NBEA: variants seen among roughly 807,000 people sequenced by gnomAD.
The protein encoded by NBEA is neurobeachin.
Under a neutral mutation model 343.4 loss-of-function variants are expected in NBEA, and 44 were observed. The observed-to-expected ratio is 0.13, with a 90% CI of 0.10 to 0.16. The LOEUF (loss-of-function observed/expected upper bound fraction) is 0.16, where lower values mean the gene tolerates loss of function less well. Among genes scored for constraint, NBEA ranks in the 10% least tolerant of loss-of-function variants. The pLI is 1.00. For missense variants in NBEA, 2,555 were observed against 3,631.3 expected (o/e 0.70, Z 7.62); for synonymous variants, 1,175 against 1,238.7 (o/e 0.95, Z 1.08).
intron 38 of NBEA, among the ~76,000 whole-genome samples, chr13:35,422,767 G>A (rs1174301525): frequency 3.3e-5 from 5 of 152,036 alleles, no homozygotes; most frequent in Admixed American, 6.6e-5. Flanking sequence ...TCCCACCAAC[G>A]TGTAAAAGTG....
At chr13:35,184,555 C>G (rs1211450218) in intron 30 of NBEA, among the ~76,000 whole-genome samples, 2 of 151,754 alleles carry the variant, frequency 1.3e-5, no homozygotes, top group African/African-American at 4.8e-5. Flanking sequence ...AATTATTAAA[C>G]ATGCAAAGAA....
At chr13:35,273,687 C>T (rs2034355839) in intron 34 of NBEA, among the ~76,000 whole-genome samples, 1 of 152,050 alleles carries the variant, frequency 6.6e-6, no homozygotes, top group African/African-American at 2.4e-5. Context: ...GGGATATCAC[C>T]ACCGTTCCTG....
At chr13:35,585,860 A>G (rs1044433951) in intron 46 of NBEA, among the ~76,000 whole-genome samples, 1 of 152,158 alleles carries the variant, frequency 6.6e-6, no homozygotes, top group Non-Finnish European at 1.5e-5. Flanking sequence ...CACAGATTCT[A>G]CCAACTAAAT....
chr13:35,468,108 A>ACCCCCCCCC, intron 40 of NBEA, among the ~76,000 whole-genome samples: 1 of 81,232 alleles, frequency 1.2e-5, no homozygotes, highest in Non-Finnish European at 2.5e-5. Context: ...AATGATTTAC[A>ACCCCCCCCC]CCCCCCCCCC....
chr13:35,282,006 G>A (rs1221538117), intron 34 of NBEA, among the ~76,000 whole-genome samples: 1 of 151,842 alleles, frequency 6.6e-6, no homozygotes, highest in Non-Finnish European at 1.5e-5. Flanking sequence ...TCCACCTTCC[G>A]GGTTCACTCC....
In NBEA at chr13:35,085,741, G is replaced by A. The variant is rs550844099; in HGVS notation, c.1572-12556G>A. Among the ~76,000 whole-genome samples, 369 of 152,200 alleles carry A rather than the reference G, an allele frequency of 2.4e-3. 1 individual carries two copies. The highest frequency in any genetic ancestry group is 8.6e-3 in the African/African-American group (359 of 41,550). On this transcript the variant is annotated intron_variant, in intron 10 of 58. Transcript: ENST00000379939. The stretch of plus-strand genomic sequence containing the variant: ...TTGGAAGTTCTGGCCAGGGCAATCA[G>A]GCAGGAGAAGGAAATAAAGGGTATT...
chr13:35,230,356 C>A (rs9600357), intron 33 of NBEA, among the ~76,000 whole-genome samples: 15,548 of 152,020 alleles, frequency 0.1, 840 homozygotes, highest in South Asian at 0.12. Flanking sequence ...AAGTTCTCAA[C>A]CTAGGATAAA....
Position 35,396,368 on chromosome 13 carries a change from CT to C in NBEA, c.6180-35894del, listed in dbSNP as rs998521118. Among the ~76,000 whole-genome samples the C allele has an allele frequency of 2.0e-3, 298 of 151,948 alleles. 1 individual carries two copies. Among genetic ancestry groups the C allele is most frequent in the African/African-American group, 6.9e-3 (287 of 41,456 alleles). On this transcript the variant is annotated intron_variant, in intron 38 of 58. Transcript: ENST00000379939. ...TTTGTGCTCTATTCTCCCTTTCATTCTTTTTTTGAATTATATGAATATTTTT... is the reference window on the plus strand; with the variant it reads ...TTTGTGCTCTATTCTCCCTTTCATTCTTTTTTGAATTATATGAATATTTTT...
intron 52 of NBEA, among the ~76,000 whole-genome samples, chr13:35,651,290 G>C (rs1158809746): frequency 1.3e-5 from 2 of 152,130 alleles, no homozygotes; most frequent in East Asian, 3.9e-4. Context: ...CCATTTACTT[G>C]TCACATGTTG....
At chr13:35,269,579 C>T (rs2033968478) in intron 34 of NBEA, among the ~76,000 whole-genome samples, 1 of 152,048 alleles carries the variant, frequency 6.6e-6, no homozygotes, top group African/African-American at 2.4e-5. Flanking sequence ...TGGAGACAGA[C>T]CTCAGAAGAG....
At chr13:35,375,364 T>G (rs1471109325) in intron 38 of NBEA, among the ~76,000 whole-genome samples, 10 of 152,118 alleles carry the variant, frequency 6.6e-5, no homozygotes. Flanking sequence ...TGTGCTCCAT[T>G]TTCAACAACT....
intron 34 of NBEA, among the ~76,000 whole-genome samples, chr13:35,275,053 A>G (rs1041626092): frequency 1.3e-5 from 2 of 152,202 alleles, no homozygotes; most frequent in Non-Finnish European, 2.9e-5. Flanking sequence ...AGCCAAGACA[A>G]TCCTAAGCAA....
chr13:35,593,291 A>G (rs375762091), intron 46 of NBEA, 37 bp from the exon 47 acceptor site: 1 of 1,609,000 alleles, frequency 6.2e-7, no homozygotes, highest in South Asian at 1.1e-5. Context: ...AGCTGTGTTT[A>G]GAGTGGTCAA....
In NBEA at chr13:35,295,998, C is replaced by T. The variant is rs376903523; in HGVS notation, c.5838+5548C>T. Among the ~76,000 whole-genome samples, 9 of 152,250 alleles carry T rather than the reference C, an allele frequency of 5.9e-5. 1 individual carries two copies. The highest frequency in any genetic ancestry group is 2.2e-4 in the African/African-American group (9 of 41,560). ...TGTGATACATACAATACTCACACAT[C>T]ACATAACACTTATATATAACAACTT... On this transcript the variant is annotated intron_variant, in intron 35 of 58. Transcript: ENST00000379939.
At position 35,627,651 on chromosome 13, in the gene NBEA, T is replaced by C. The variant is rs1386897865; in HGVS notation, c.7450-430T>C. ...AGGACTTCAGGCAGGAAAATAAATG[T>C]ATATCAGAGTTTCTCATAAAATTGC... is the stretch of plus-strand genomic sequence containing the variant. On this transcript the variant is annotated intron_variant, in intron 48 of 58. Coordinates refer to ENST00000379939, the MANE Select transcript of NBEA (RefSeq NM_001385012.1). 2.6e-5 allele frequency among the ~76,000 whole-genome samples: 4 copies of C among 152,158 alleles called. No individual in the cohort carries two copies. In the South Asian group the frequency reaches 6.2e-4, roughly 24 times the overall value.
chr13:34,984,991 C>A (rs991530627), intron 1 of NBEA, among the ~76,000 whole-genome samples: 3 of 150,980 alleles, frequency 2.0e-5, no homozygotes, highest in African/African-American at 7.3e-5. Context: ...CAAACAGGGA[C>A]AATTTGACTT....
chr13:35,277,088 A>G (rs964808061), intron 34 of NBEA, among the ~76,000 whole-genome samples: 4 of 152,212 alleles, frequency 2.6e-5, no homozygotes, highest in Non-Finnish European at 1.5e-5. Context: ...GGAGATACCT[A>G]TATGTAAAAA....
chr13:35,506,151 C>T (rs1292269253), intron 41 of NBEA, among the ~76,000 whole-genome samples: 1 of 152,170 alleles, frequency 6.6e-6, no homozygotes, highest in Non-Finnish European at 1.5e-5. Context: ...CAGCCTTAAA[C>T]TCCTGGGCAC....
chr13:35,462,084 C>T (rs186198922), intron 40 of NBEA, among the ~76,000 whole-genome samples: 237 of 152,246 alleles, frequency 1.6e-3, no homozygotes, highest in African/African-American at 5.6e-3. Flanking sequence ...ACCTGTTGGA[C>T]CCTTATTCTC....
Sources: gnomAD v4.1 joint callset for allele counts (sites outside exome capture counted in the v4.1 genomes callset) on GRCh38, gnomAD v4.1.1 for gene constraint, MANE v1.5 for transcripts, NCBI Gene and HGNC (gene_info 2026-07-23, HGNC 2026-07-21) for gene names.